Variants in TKTL1 observed in about 807,000 individuals in gnomAD.
The protein encoded by TKTL1 is transketolase like 1.
Under a neutral mutation model 39.3 loss-of-function variants are expected in TKTL1, and 1 was observed. The observed-to-expected ratio is 0.03, with a 90% CI of 0.01 to 0.12. The LOEUF is 0.12. Among genes scored for constraint, TKTL1 ranks in the 10% least tolerant of loss-of-function variants. The probability of loss-of-function intolerance (pLI) is 1.00; values close to 1 mark genes in which losing one functional copy is unlikely to be tolerated. For synonymous variants in TKTL1, 262 were observed against 193.8 expected, an observed-to-expected ratio of 1.35 and a Z score of -2.92; for missense variants, 575 against 509.6, an observed-to-expected ratio of 1.13 and a Z score of -1.24.
At chrX:154,320,418 A>AG (rs2148078291) in intron 7 of TKTL1, 1 of 260,990 alleles carries the variant, frequency 3.8e-6, no homozygotes, top group South Asian at 1.1e-4. Context: ...AGAGGGGAGG[A>AG]GGAGCTGCAT....
At chrX:154,300,961 C>G (rs2067268880) in intron 1 of TKTL1, among the ~76,000 whole-genome samples, 1 of 109,755 alleles carries the variant, frequency 9.1e-6, no homozygotes, top group Non-Finnish European at 1.9e-5. Context: ...TCCCAAAGTG[C>G]TGGAATTACA....
chrX:154,328,147 C>T (rs1329598397), intron 12 of TKTL1, among the ~76,000 whole-genome samples, 189 bp downstream of exon 12: 1 of 111,901 alleles, frequency 8.9e-6, no homozygotes, highest in Non-Finnish European at 1.9e-5. Flanking sequence ...TGCACAGTGC[C>T]CAGTCACCAG....
At chrX:154,297,194 G>C (rs1341961653) in intron 1 of TKTL1, among the ~76,000 whole-genome samples, 2 of 112,093 alleles carry the variant, frequency 1.8e-5, no homozygotes, top group East Asian at 2.8e-4. Flanking sequence ...GAATTTGCTA[G>C]TATGCGGTTG....
In TKTL1 at chrX:154,295,851, G is replaced by A. The variant is rs782235154; in HGVS notation, c.-9G>A. ...GAGTGGGTCTTCAGACTCCAAAGGG[G>A]TTGGACTAATGGCGGATGCTGAGGC... On this transcript the variant is annotated 5_prime_UTR_variant, in exon 1 of 13. Coordinates refer to ENST00000369915, the MANE Select transcript of TKTL1 (RefSeq NM_012253.4). 14 of 1,210,594 alleles carry A rather than the reference G, an allele frequency of 1.2e-5. No homozygotes were observed. The highest frequency in any genetic ancestry group is 1.6e-5 in the Non-Finnish European group (14 of 894,892).
intron 1 of TKTL1, among the ~76,000 whole-genome samples, chrX:154,297,977 A>G (rs1377376629): frequency 1.8e-5 from 2 of 111,909 alleles, no homozygotes; most frequent in Non-Finnish European, 3.8e-5. Context: ...GGCAGTAATT[A>G]CGAATGAGGC....
rs1557167825 is a variant in TKTL1 at position 154,309,366 on chromosome X, G to A, written c.274G>A (p.Ala92Thr). 2 of 1,211,674 alleles carry A rather than the reference G, an allele frequency of 1.7e-6. No homozygotes were observed. The highest frequency in any genetic ancestry group is 3.0e-5 in the East Asian group (1 of 33,861). ...LAKRLSFVDV[A>T]TGWLGQGLGV... Reference sequence around the variant, plus strand: ...ACAGAGACTGTCGTTTGTGGATGTGGCAACAGGATGGCTCGGACAAGGACT... The same window carrying A: ...ACAGAGACTGTCGTTTGTGGATGTGACAACAGGATGGCTCGGACAAGGACT... Residue 92 changes from alanine (A) to threonine (T), a missense_variant, in exon 3 of 13, where the codon GCA (alanine) becomes ACA (threonine). By Grantham distance (58) the Ala-to-Thr change is moderately conservative. Coordinates refer to ENST00000369915, the MANE Select transcript of TKTL1 (RefSeq NM_012253.4).
intron 8 of TKTL1, among the ~76,000 whole-genome samples, chrX:154,322,359 C>T (rs1209670211): frequency 2.7e-5 from 3 of 109,655 alleles, no homozygotes; most frequent in Admixed American, 9.8e-5. Context: ...TGGTGAAACC[C>T]CATCTCTACT....
intron 12 of TKTL1, among the ~76,000 whole-genome samples, chrX:154,329,089 C>T (rs2067517506): frequency 8.9e-6 from 1 of 112,441 alleles, no homozygotes; most frequent in Admixed American, 9.4e-5. Flanking sequence ...AGCAGGTGCT[C>T]ATGTCAACCA....
intron 1 of TKTL1, among the ~76,000 whole-genome samples, chrX:154,303,499 G>A (rs1557166455): frequency 1.0e-5 from 1 of 99,432 alleles, no homozygotes; most frequent in African/African-American, 3.7e-5. Flanking sequence ...CAGAAGAGCC[G>A]GGATTACAGG....
intron 9 of TKTL1, 83 bp downstream of exon 9, chrX:154,323,420 C>T (rs77339641): frequency 4.8e-6 from 5 of 1,051,196 alleles, no homozygotes; most frequent in Non-Finnish European, 6.4e-6. Context: ...ACTTTTTTTT[C>T]TCAACATAAA....
chrX:154,316,313 G>A (rs782017903), intron 7 of TKTL1, among the ~76,000 whole-genome samples: 7 of 110,892 alleles, frequency 6.3e-5, no homozygotes, highest in East Asian at 2.8e-4. Context: ...CTCGTGATCC[G>A]TCCGCCTCGG....
At chrX:154,315,057 C>G in intron 6 of TKTL1, 116 bp from the exon 7 acceptor site, 3 of 847,623 alleles carry the variant, frequency 3.5e-6, no homozygotes, top group Non-Finnish European at 4.9e-6. Context: ...CACGAATTTA[C>G]TTTCTTCAAG....
chrX:154,324,636 G>A (rs1402080892), intron 9 of TKTL1, among the ~76,000 whole-genome samples: 1 of 111,495 alleles, frequency 9.0e-6, no homozygotes, highest in African/African-American at 3.3e-5. Flanking sequence ...AAGCGCTGCT[G>A]GGCTTGGATG....
At chrX:154,322,639 A>G (rs1193534263) in intron 8 of TKTL1, among the ~76,000 whole-genome samples, 2 of 111,669 alleles carry the variant, frequency 1.8e-5, no homozygotes, top group Non-Finnish European at 3.8e-5. Context: ...TAGCTGAGAA[A>G]AGCTAAGCTG....
chrX:154,326,099 C>T (rs1557171930), intron 10 of TKTL1, among the ~76,000 whole-genome samples: 1 of 112,169 alleles, frequency 8.9e-6, no homozygotes, highest in Admixed American at 9.4e-5. Flanking sequence ...CTGGTATTCT[C>T]ACAAAAGCCC....
intron 2 of TKTL1, among the ~76,000 whole-genome samples, chrX:154,308,136 T>G (rs2067329713): frequency 9.0e-6 from 1 of 111,310 alleles, no homozygotes; most frequent in Non-Finnish European, 1.9e-5. Context: ...GAGTGTCAGG[T>G]GGGGCCAAGC....
At chrX:154,300,988 G>C (rs781936497) in intron 1 of TKTL1, among the ~76,000 whole-genome samples, 1 of 109,819 alleles carries the variant, frequency 9.1e-6, no homozygotes, top group African/African-American at 3.3e-5. Context: ...AGCCAACCGC[G>C]CCTGGCCTAG....
Position 154,329,902 on chromosome X carries a change from G to C in TKTL1, c.*214G>C. 2.7e-6 allele frequency: 1 copy of C among 371,907 alleles called. No individual in the cohort carries two copies. The highest frequency in any genetic ancestry group is 4.3e-5 in the East Asian group (1 of 23,219). The allele number at this position is 371,907 out of a possible 1,213,427, so 30.6% of individuals were successfully genotyped here. On this transcript the variant is annotated 3_prime_UTR_variant, in exon 13 of 13. Transcript: ENST00000369915. ...CCGCTCTAATTTTTGGATCATTAAA[G>C]GGAGTTACACAACTTTTAAGTGAAA...
At chrX:154,296,454 G>T (rs1008905043) in intron 1 of TKTL1, among the ~76,000 whole-genome samples, 1 of 110,909 alleles carries the variant, frequency 9.0e-6, no homozygotes, top group African/African-American at 3.3e-5. Context: ...AGGATAAAAA[G>T]CAATTAAAAT....
Sources: allele counts gnomAD v4.1 joint callset (sites outside exome capture counted in the v4.1 genomes callset), GRCh38; gene constraint gnomAD v4.1.1; transcripts MANE v1.5; gene names NCBI Gene and HGNC (gene_info 2026-07-23, HGNC 2026-07-21).